Variants in FRMD5 observed in about 807,000 individuals in gnomAD.
The protein encoded by FRMD5 is FERM domain containing 5.
A neutral mutation model predicts 69.0 loss-of-function variants in FRMD5; 20 were observed. That is an observed-to-expected ratio of 0.29 (90% CI 0.20 to 0.42). FRMD5 has a LOEUF of 0.42. FRMD5 is among the 10% of genes least tolerant of loss of function. The pLI is 1.00. For missense variants in FRMD5, 595 were observed against 708.6 expected, an observed-to-expected ratio of 0.84 and a Z score of 1.82; for synonymous variants, 271 against 260.1, an observed-to-expected ratio of 1.04 and a Z score of -0.40.
chr15:43,873,657 C>G lies in FRMD5; in HGVS notation c.*228G>C. On this transcript the variant is annotated 3_prime_UTR_variant, in exon 14 of 14. Transcript: ENST00000417257. ...TGAGAAACAGAGTCGCTGAGCCTTTCTTGAAATAACTTCTGAAGAAAATGA... is the reference window on the plus strand; with the variant it reads ...TGAGAAACAGAGTCGCTGAGCCTTTGTTGAAATAACTTCTGAAGAAAATGA... The G allele has an allele frequency of 6.8e-7, 1 of 1,472,078 alleles. No individual in the cohort carries two copies. 91.2% of individuals were successfully genotyped at this position (1,472,078 alleles called of 1,614,324 possible).
intron 1 of FRMD5, among the ~76,000 whole-genome samples, chr15:43,960,107 G>A (rs2090173184): frequency 6.6e-6 from 1 of 151,546 alleles, no homozygotes; most frequent in Non-Finnish European, 1.5e-5. Context: ...TTGTTTTTTT[G>A]AGACGGAGTC....
upstream of FRMD5, among the ~76,000 whole-genome samples, chr15:44,196,732 TTCTCTCTCTCTCTCTCTCTTTCTC>T (rs1359254711): frequency 2.4e-5 from 3 of 123,886 alleles, no homozygotes; most frequent in Non-Finnish European, 4.8e-5. Context: ...TTCTCTTTCA[TTCTCTCTCTCTCTCTCTCTTTCTC>T]TCTCTCTCTC....
chr15:43,943,958 C>T (rs184629726), intron 1 of FRMD5, among the ~76,000 whole-genome samples: 1 of 152,312 alleles, frequency 6.6e-6, no homozygotes, highest in East Asian at 1.9e-4. Flanking sequence ...GCCATTGTGA[C>T]CCCTCTTTCT....
intron 1 of FRMD5, among the ~76,000 whole-genome samples, chr15:43,952,967 G>C (rs555955081): frequency 2.6e-4 from 39 of 152,330 alleles, no homozygotes; most frequent in African/African-American, 9.1e-4. Flanking sequence ...TAGGAAGATA[G>C]CCTCTGCCAT....
chr15:43,910,164 C>T (rs965501589), intron 4 of FRMD5, among the ~76,000 whole-genome samples, 185 bp from the exon 5 acceptor site: 7 of 152,010 alleles, frequency 4.6e-5, no homozygotes, highest in African/African-American at 1.7e-4. Context: ...GGTACTTTGC[C>T]CTGAACTGAC....
chr15:44,131,440 C>T (rs2077096154), intron 1 of FRMD5, among the ~76,000 whole-genome samples: 1 of 151,958 alleles, frequency 6.6e-6, no homozygotes, highest in Non-Finnish European at 1.5e-5. Context: ...AAAGATTCTA[C>T]TCTGGGTGTA....
intron 7 of FRMD5, among the ~76,000 whole-genome samples, chr15:43,893,704 C>T (rs565854497): frequency 6.6e-6 from 1 of 152,244 alleles, no homozygotes; most frequent in South Asian, 2.1e-4. Flanking sequence ...GGTGTGGGGG[C>T]TGAGGCTGCT....
intron 1 of FRMD5, among the ~76,000 whole-genome samples, chr15:44,007,637 A>ATTTTTTTTTTTTTTTT (rs35512441): frequency 1.1e-4 from 9 of 81,142 alleles, no homozygotes; most frequent in Admixed American, 1.9e-4. Flanking sequence ...TAATTAACTA[A>ATTTTTTTTTTTTTTTT]TTTTTTTTTT....
intron 13 of FRMD5, chr15:43,879,366 CTG>C (rs1330376232): frequency 3.5e-5 from 14 of 397,124 alleles, no homozygotes; most frequent in South Asian, 1.4e-4. Context: ...ATATTAGAAA[CTG>C]TTTTCACTGC....
chr15:44,063,936 C>A (rs1010462916), intron 1 of FRMD5: 2 of 255,342 alleles, frequency 7.8e-6, no homozygotes, highest in East Asian at 1.2e-4. Flanking sequence ...AGTACAAAAA[C>A]GGCCTCAAGA....
intron 1 of FRMD5, among the ~76,000 whole-genome samples, chr15:44,056,799 C>A (rs1892886525): frequency 6.6e-6 from 1 of 152,108 alleles, no homozygotes; most frequent in Non-Finnish European, 1.5e-5. Context: ...ACCATTATCT[C>A]ATTGACCCTT....
intron 1 of FRMD5, among the ~76,000 whole-genome samples, chr15:43,999,396 G>A (rs1052724628): frequency 7.2e-5 from 11 of 152,150 alleles, no homozygotes; most frequent in African/African-American, 2.7e-4. Context: ...GTTCAGTTGT[G>A]TCAAGTACAT....
chr15:44,054,557 GT>G (rs1892792194), intron 1 of FRMD5, among the ~76,000 whole-genome samples: 1 of 152,060 alleles, frequency 6.6e-6, no homozygotes, highest in Admixed American at 6.6e-5. Flanking sequence ...TTTCGTAGGG[GT>G]TGTCCGCCAA....
At chr15:44,042,810 C>A (rs757236715) in intron 1 of FRMD5, among the ~76,000 whole-genome samples, 1 of 152,250 alleles carries the variant, frequency 6.6e-6, no homozygotes, top group African/African-American at 2.4e-5. Flanking sequence ...GGCAAGCCCA[C>A]AGCCAATATA....
intron 1 of FRMD5, among the ~76,000 whole-genome samples, chr15:43,929,497 G>T (rs1019994276): frequency 6.6e-6 from 1 of 152,174 alleles, no homozygotes; most frequent in Non-Finnish European, 1.5e-5. Context: ...CTAGCAGAGG[G>T]TAAGAGTGAT....
intron 1 of FRMD5, among the ~76,000 whole-genome samples, chr15:44,185,042 T>G (rs1182807105): frequency 1.3e-5 from 2 of 152,218 alleles, no homozygotes; most frequent in Non-Finnish European, 2.9e-5. Context: ...AATGTGGCTA[T>G]TCATTTAAAC....
At position 44,005,433 on chromosome 15, in the gene FRMD5, T is replaced by C. The variant is rs566434613; in HGVS notation, c.103-81124A>G. Among the ~76,000 whole-genome samples, 471 of 126,738 alleles carry C rather than the reference T, an allele frequency of 3.7e-3. 5 individuals carry two copies. The highest frequency in any genetic ancestry group is 0.026 in the Middle Eastern group (3 of 114). 83.1% of individuals were successfully genotyped at this position (126,738 alleles called of 152,430 possible). A position where few individuals can be genotyped will look rare whatever the true frequency, so the allele number is the denominator to read the frequency against. Reference sequence around the variant, plus strand: ...CTGCAGTGAGCCGAGATCACGCCATTGCACTCCAGCCTGGGCAAAAAGAGT... The same window carrying C: ...CTGCAGTGAGCCGAGATCACGCCATCGCACTCCAGCCTGGGCAAAAAGAGT... On this transcript the variant is annotated intron_variant, in intron 1 of 13. Transcript: ENST00000417257.
At chr15:43,997,780 C>T (rs1890004041) in intron 1 of FRMD5, among the ~76,000 whole-genome samples, 1 of 152,186 alleles carries the variant, frequency 6.6e-6, no homozygotes, top group Non-Finnish European at 1.5e-5. Context: ...AATGATCATG[C>T]ACGCCACAAG....
At chr15:43,989,921 G>T in intron 1 of FRMD5, 1 of 1,145,226 alleles carries the variant, frequency 8.7e-7, no homozygotes, top group Non-Finnish European at 1.3e-6. Context: ...TAGAAGGTGT[G>T]GTGCCAGATC....
Sources: allele counts gnomAD v4.1 joint callset (sites outside exome capture counted in the v4.1 genomes callset), GRCh38; gene constraint gnomAD v4.1.1; transcripts MANE v1.5; gene names NCBI Gene and HGNC (gene_info 2026-07-23, HGNC 2026-07-21).